The following CNBD1 variants were observed in gnomAD, a reference collection of about 807,000 sequenced individuals.
The protein encoded by CNBD1 is cyclic nucleotide binding domain containing 1.
CNBD1 carries 71 observed loss-of-function variants against 54.4 expected under a neutral mutation model. That is an observed-to-expected ratio of 1.30 (90% CI 1.08 to 1.59). The LOEUF (loss-of-function observed/expected upper bound fraction) is 1.59, where lower values mean the gene tolerates loss of function less well. Ranked by LOEUF, CNBD1 falls within the 40% of genes most tolerant of loss-of-function variation. CNBD1 has a pLI of 0.00. For missense variants in CNBD1, 659 were observed against 518.0 expected (o/e 1.27, Z -2.64); for synonymous variants, 182 against 170.7 (o/e 1.07, Z -0.51).
At position 86,961,514 on chromosome 8, in the gene CNBD1, G is replaced by A. The variant is rs116590723; in HGVS notation, c.431+21760G>A. 4.3e-3 allele frequency among the ~76,000 whole-genome samples: 659 copies of A among 152,324 alleles called. 5 individuals carry two copies. Among genetic ancestry groups the A allele is most frequent in the African/African-American group, 0.014 (585 of 41,580 alleles). ...TGGGGCCAAACAGTATTGTAACTGT[G>A]AGAGAAAATTCTAAGGAGGGTTTAG... is the stretch of plus-strand genomic sequence containing the variant. On this transcript the variant is annotated intron_variant, in intron 4 of 10. Transcript: ENST00000518476.
At chr8:87,371,061 G>A (rs1434701168) in intron 10 of CNBD1, among the ~76,000 whole-genome samples, 2 of 150,566 alleles carry the variant, frequency 1.3e-5, no homozygotes, top group South Asian at 2.1e-4. Flanking sequence ...TATTTCTGAG[G>A]GCTGTGTTCT....
intron 4 of CNBD1, among the ~76,000 whole-genome samples, chr8:86,989,058 C>T (rs192206026): frequency 5.3e-5 from 8 of 152,028 alleles, no homozygotes; most frequent in African/African-American, 1.7e-4. Flanking sequence ...ATTGTTTGAA[C>T]TTTGGAGTTT....
At chr8:87,234,323 T>C (rs776742474) in intron 5 of CNBD1, among the ~76,000 whole-genome samples, 7 of 152,194 alleles carry the variant, frequency 4.6e-5, no homozygotes, top group Non-Finnish European at 7.4e-5. Flanking sequence ...AATGTCCAGT[T>C]TACTTTGCCC....
chr8:87,063,830 G>A (rs573153091), intron 4 of CNBD1, among the ~76,000 whole-genome samples: 2 of 151,812 alleles, frequency 1.3e-5, no homozygotes, highest in South Asian at 4.2e-4. Context: ...ATCTTTTGTT[G>A]AATTATTTCT....
At chr8:87,244,041 C>A (rs968647581) in intron 6 of CNBD1, among the ~76,000 whole-genome samples, 1 of 151,996 alleles carries the variant, frequency 6.6e-6, no homozygotes, top group African/African-American at 2.4e-5. Context: ...GTTAAACATG[C>A]GCACCCATGA....
chr8:87,083,622 T>C (rs1811041817), intron 4 of CNBD1, among the ~76,000 whole-genome samples: 2 of 139,166 alleles, frequency 1.4e-5, no homozygotes, highest in South Asian at 4.7e-4. Flanking sequence ...GGAGTCTGAC[T>C]CTGTGTCCCA....
chr8:87,204,356 A>G lies in CNBD1; in HGVS notation c.432-1637A>G, dbSNP rs1813925563. ...ATGGAGGCTACTTTAAGGCCTTCTG[A>G]AAAGGTAGGCTTGGATGGGAAGGCC... On this transcript the variant is annotated intron_variant, in intron 4 of 10. Transcript: ENST00000518476. 2.0e-5 allele frequency among the ~76,000 whole-genome samples: 3 copies of G among 152,132 alleles called. No individual in the cohort carries two copies. In the South Asian group the frequency reaches 6.2e-4, roughly 31 times the overall value.
intron 1 of CNBD1, among the ~76,000 whole-genome samples, chr8:86,870,952 G>A (rs962697248): frequency 6.6e-6 from 1 of 152,090 alleles, no homozygotes; most frequent in African/African-American, 2.4e-5. Context: ...AAATTCAGAA[G>A]TATTGAAAAA....
intron 6 of CNBD1, among the ~76,000 whole-genome samples, chr8:87,273,740 G>A (rs1016819288): frequency 6.6e-6 from 1 of 151,794 alleles, no homozygotes; most frequent in African/African-American, 2.4e-5. Flanking sequence ...CTCTTTAAAA[G>A]ATTTTTGAAA....
intron 4 of CNBD1, among the ~76,000 whole-genome samples, chr8:87,143,107 A>T (rs1411983688): frequency 6.6e-6 from 1 of 152,150 alleles, no homozygotes; most frequent in African/African-American, 2.4e-5. Context: ...TGGCCTTTGC[A>T]CCTGGGGTCA....
At chr8:87,253,385 A>G (rs1173874143) in intron 6 of CNBD1, among the ~76,000 whole-genome samples, 1 of 152,122 alleles carries the variant, frequency 6.6e-6, no homozygotes, top group African/African-American at 2.4e-5. Context: ...GGCTGAATCT[A>G]AGTCTGAAGG....
At chr8:87,317,012 C>T (rs1362564208) in intron 8 of CNBD1, among the ~76,000 whole-genome samples, 1 of 151,674 alleles carries the variant, frequency 6.6e-6, no homozygotes, top group African/African-American at 2.4e-5. Context: ...ACATAAACTT[C>T]TCTAGGTCTC....
intron 4 of CNBD1, among the ~76,000 whole-genome samples, chr8:86,973,039 G>C (rs1808260906): frequency 6.6e-6 from 1 of 151,998 alleles, no homozygotes; most frequent in Admixed American, 6.6e-5. Flanking sequence ...CCCTTCTGAG[G>C]GTGTAATCAT....
intron 4 of CNBD1, among the ~76,000 whole-genome samples, chr8:87,026,404 G>A (rs1809647169): frequency 7.1e-6 from 1 of 140,732 alleles, no homozygotes; most frequent in African/African-American, 2.6e-5. Context: ...CTATTGCTAA[G>A]AATACAAAGA....
chr8:86,869,860 T>G (rs1329574103), intron 1 of CNBD1, among the ~76,000 whole-genome samples: 1 of 152,160 alleles, frequency 6.6e-6, no homozygotes, highest in Non-Finnish European at 1.5e-5. Flanking sequence ...TTTAAAAAAT[T>G]TTTAATGGAA....
intron 4 of CNBD1, among the ~76,000 whole-genome samples, chr8:87,130,056 A>G (rs7002993): frequency 4.6e-5 from 7 of 152,022 alleles, no homozygotes; most frequent in Admixed American, 2.0e-4. Flanking sequence ...GCTATTCACT[A>G]TCATGAGAGC....
At chr8:86,873,250 C>T (rs577426990) in intron 1 of CNBD1, among the ~76,000 whole-genome samples, 19 of 151,704 alleles carry the variant, frequency 1.3e-4, no homozygotes, top group African/African-American at 3.6e-4. Context: ...TACAGGCATG[C>T]GCCACCACAC....
intron 4 of CNBD1, among the ~76,000 whole-genome samples, chr8:86,955,643 G>A (rs1385853545): frequency 6.6e-6 from 1 of 152,182 alleles, no homozygotes; most frequent in Non-Finnish European, 1.5e-5. Context: ...TTTGAGAAGT[G>A]TCTCTTCATA....
At chr8:87,287,380 C>G (rs1808718558) in intron 8 of CNBD1, among the ~76,000 whole-genome samples, 1 of 152,132 alleles carries the variant, frequency 6.6e-6, no homozygotes, top group Non-Finnish European at 1.5e-5. Context: ...ACATGAGAGA[C>G]AGCCACAGAT....
Sources: gnomAD v4.1 joint callset for allele counts (sites outside exome capture counted in the v4.1 genomes callset) on GRCh38, gnomAD v4.1.1 for gene constraint, MANE v1.5 for transcripts, NCBI Gene and HGNC (gene_info 2026-07-23, HGNC 2026-07-21) for gene names.